Variants in PI4K2B observed in about 807,000 individuals in gnomAD.
PI4K2B encodes phosphatidylinositol 4-kinase type 2-beta.
A neutral mutation model predicts 56.6 loss-of-function variants in PI4K2B; 46 were observed. That is an observed-to-expected ratio of 0.81 (90% CI 0.64 to 1.04). The LOEUF (loss-of-function observed/expected upper bound fraction) is 1.04, where lower values mean the gene tolerates loss of function less well. Among genes scored for constraint, PI4K2B ranks in the 50% least tolerant of loss-of-function variants. PI4K2B has a pLI of 0.00. For missense variants in PI4K2B, 556 were observed against 607.7 expected, an observed-to-expected ratio of 0.91 and a Z score of 0.89; for synonymous variants, 211 against 223.8, an observed-to-expected ratio of 0.94 and a Z score of 0.51.
chr4:25,262,322 C>G (rs908803114), intron 6 of PI4K2B, among the ~76,000 whole-genome samples: 1 of 151,988 alleles, frequency 6.6e-6, no homozygotes, highest in African/African-American at 2.4e-5. Flanking sequence ...GCTTGGGTGA[C>G]AGAGCAAGAC....
chr4:25,260,487 G>T (rs948511339), intron 5 of PI4K2B, 37 bp from the exon 6 acceptor site: 1 of 930,582 alleles, frequency 1.1e-6, no homozygotes, highest in East Asian at 3.0e-5. Context: ...GATGTCCATA[G>T]AAATGAAGTA....
At chr4:25,241,993 C>T (rs1420930023) in intron 1 of PI4K2B, among the ~76,000 whole-genome samples, 1 of 152,146 alleles carries the variant, frequency 6.6e-6, no homozygotes, top group Non-Finnish European at 1.5e-5. Flanking sequence ...GGCTATCTCG[C>T]TGTATCCAGG....
intron 1 of PI4K2B, among the ~76,000 whole-genome samples, chr4:25,237,685 G>A (rs372328160): frequency 3.3e-5 from 5 of 152,310 alleles, no homozygotes; most frequent in African/African-American, 9.6e-5. Context: ...AGAAAGTATA[G>A]GGAGAGGCTG....
intron 1 of PI4K2B, among the ~76,000 whole-genome samples, chr4:25,243,514 C>T (rs747901000): frequency 1.5e-4 from 23 of 152,184 alleles, no homozygotes; most frequent in Non-Finnish European, 2.9e-4. Flanking sequence ...CTTTTGGGCC[C>T]GTTCCTTTTG....
rs150275485 is a variant in PI4K2B, at chr4:25,268,601, T to C, written c.1212+25T>C. 47 of 1,474,538 alleles carry C rather than the reference T, an allele frequency of 3.2e-5. No homozygotes were observed. In the African/African-American group the frequency reaches 3.8e-4, roughly 12 times the overall value. 91.3% of individuals were successfully genotyped at this position (1,474,538 alleles called of 1,614,324 possible). A position where few individuals can be genotyped will look rare whatever the true frequency, so the allele number is the denominator to read the frequency against. On this transcript the variant is annotated intron_variant, in intron 8 of 9. Transcript: ENST00000264864. ...GGTAAGTTAATGCTTAGTTTGATTA[T>C]TGCAGAAAATGAAATCTTAAAATAG...
intron 9 of PI4K2B, among the ~76,000 whole-genome samples, chr4:25,273,308 A>G (rs1716975917): frequency 1.3e-5 from 2 of 152,168 alleles, no homozygotes; most frequent in Admixed American, 6.5e-5. Flanking sequence ...TGTGAAATAT[A>G]TTTTCCATGT....
intron 1 of PI4K2B, among the ~76,000 whole-genome samples, chr4:25,246,721 CG>C (rs906573878): frequency 6.6e-6 from 1 of 152,194 alleles, no homozygotes; most frequent in Admixed American, 6.5e-5. Flanking sequence ...CCCACGGCGG[CG>C]GGGGGAGGCT....
At chr4:25,271,422 T>G (rs540360530) in intron 9 of PI4K2B, among the ~76,000 whole-genome samples, 1 of 152,294 alleles carries the variant, frequency 6.6e-6, no homozygotes, top group South Asian at 2.1e-4. Context: ...GCAAAAATAT[T>G]TATATCCCTC....
At chr4:25,248,113 T>G (rs1433283299) in intron 1 of PI4K2B, among the ~76,000 whole-genome samples, 7 of 152,222 alleles carry the variant, frequency 4.6e-5, no homozygotes, top group Non-Finnish European at 1.0e-4. Flanking sequence ...AAGAGTTTAT[T>G]TTGATTTATT....
chr4:25,236,862 T>G (rs1394726457), intron 1 of PI4K2B, among the ~76,000 whole-genome samples: 1 of 152,220 alleles, frequency 6.6e-6, no homozygotes. Flanking sequence ...TGAAAACTGT[T>G]TAAAAAATTT....
intron 7 of PI4K2B, among the ~76,000 whole-genome samples, chr4:25,265,386 A>T (rs1158663179): frequency 1.3e-5 from 2 of 151,838 alleles, no homozygotes; most frequent in South Asian, 2.1e-4. Flanking sequence ...TTTATAGATC[A>T]GGCTTTTAGT....
At chr4:25,243,855 C>T (rs936356469) in intron 1 of PI4K2B, among the ~76,000 whole-genome samples, 6 of 152,190 alleles carry the variant, frequency 3.9e-5, no homozygotes, top group African/African-American at 1.4e-4. Context: ...TCCCCATGAT[C>T]TGGTCAAGGT....
At chr4:25,259,340 C>A (rs1429331859) in intron 5 of PI4K2B, 150 bp downstream of exon 5, 8 of 588,844 alleles carry the variant, frequency 1.4e-5, no homozygotes, top group Non-Finnish European at 2.4e-5. Flanking sequence ...TATTGACTCT[C>A]CTGGGCAGAA....
intron 1 of PI4K2B, among the ~76,000 whole-genome samples, chr4:25,243,836 C>T (rs1053471568): frequency 3.7e-4 from 57 of 152,180 alleles, no homozygotes; most frequent in East Asian, 3.8e-4. Context: ...CAGATGTTTA[C>T]GACTCCAGTC....
At chr4:25,242,328 G>C (rs1715561686) in intron 1 of PI4K2B, among the ~76,000 whole-genome samples, 1 of 152,210 alleles carries the variant, frequency 6.6e-6, no homozygotes, top group South Asian at 2.1e-4. Flanking sequence ...CTAGACCTTG[G>C]GCCAGTGCCT....
intron 3 of PI4K2B, among the ~76,000 whole-genome samples, chr4:25,255,629 C>T (rs1198588281): frequency 1.3e-5 from 2 of 152,164 alleles, no homozygotes; most frequent in African/African-American, 4.8e-5. Flanking sequence ...TTTCTTTTCT[C>T]TTGTTTTGTT....
chr4:25,274,318 A>T (rs146952717), intron 9 of PI4K2B, among the ~76,000 whole-genome samples: 1 of 152,278 alleles, frequency 6.6e-6, no homozygotes, highest in African/African-American at 2.4e-5. Flanking sequence ...CAGCTGTCAC[A>T]TCCCCGTCAA....
intron 9 of PI4K2B, among the ~76,000 whole-genome samples, chr4:25,272,886 A>G (rs1006649637): frequency 2.6e-5 from 4 of 152,044 alleles, no homozygotes; most frequent in Admixed American, 6.6e-5. Context: ...AAATTTACCT[A>G]TATTCCAAAC....
Position 25,255,032 on chromosome 4 carries a change from AAGTCTAATAAGATTTTTACTT to A in PI4K2B, c.424-32_424-12del. ...ATGGATGATTATCTATATATGTAAA[AAGTCTAATAAGATTTTTACTT>A]TTTTGCTCTAGAAAATTATTGGTGT... On this transcript the variant is annotated splice_polypyrimidine_tract_variant and intron_variant, in intron 2 of 9. Coordinates refer to ENST00000264864, the MANE Select transcript of PI4K2B (RefSeq NM_018323.4). 1 of 1,409,262 alleles carries A rather than the reference AAGTCTAATAAGATTTTTACTT, an allele frequency of 7.1e-7. No individual in the cohort carries two copies. The highest frequency in any genetic ancestry group is 1.0e-6 in the Non-Finnish European group (1 of 1,001,916). The allele number at this position is 1,409,262 out of a possible 1,614,324, so 87.3% of individuals were successfully genotyped here.
Sources: gnomAD v4.1 joint callset for allele counts (sites outside exome capture counted in the v4.1 genomes callset) on GRCh38, gnomAD v4.1.1 for gene constraint, MANE v1.5 for transcripts, NCBI Gene and HGNC (gene_info 2026-07-23, HGNC 2026-07-21) for gene names.